Variants in NSD2 observed in about 807,000 individuals in gnomAD.
NSD2 encodes histone-lysine N-methyltransferase NSD2.
Under a neutral mutation model 139.0 loss-of-function variants are expected in NSD2, and 12 were observed. That is an observed-to-expected ratio of 0.09 (90% CI 0.06 to 0.14). The LOEUF (loss-of-function observed/expected upper bound fraction) is 0.14, where lower values mean the gene tolerates loss of function less well. Among genes scored for constraint, NSD2 ranks in the 10% least tolerant of loss-of-function variants. The probability of loss-of-function intolerance (pLI) is 1.00; values close to 1 mark genes in which losing one functional copy is unlikely to be tolerated. For synonymous variants in NSD2, 669 were observed against 648.7 expected (o/e 1.03, Z -0.48); for missense variants, 1,155 against 1,745.0 (o/e 0.66, Z 6.02).
At chr4:1,894,639 T>C (rs1326111957) in intron 1 of NSD2, among the ~76,000 whole-genome samples, 1 of 151,564 alleles carries the variant, frequency 6.6e-6, no homozygotes, top group African/African-American at 2.4e-5. Flanking sequence ...ACCATTGCAT[T>C]TTAGCCTGGG....
chr4:1,916,207 T>A (rs1225047488), intron 3 of NSD2, among the ~76,000 whole-genome samples: 1 of 152,206 alleles, frequency 6.6e-6, no homozygotes, highest in Non-Finnish European at 1.5e-5. Context: ...GGTTGTGTGA[T>A]GTCCGTATAC....
At chr4:1,894,384 C>G (rs1715960891) in intron 1 of NSD2, among the ~76,000 whole-genome samples, 1 of 152,154 alleles carries the variant, frequency 6.6e-6, no homozygotes, top group Non-Finnish European at 1.5e-5. Context: ...CCTTTCATCT[C>G]TGGAAAATGT....
At chr4:1,895,222 G>C (rs1020405047) in intron 1 of NSD2, among the ~76,000 whole-genome samples, 1 of 152,102 alleles carries the variant, frequency 6.6e-6, no homozygotes, top group African/African-American at 2.4e-5. Context: ...CTGTAATAGT[G>C]CTCCTGTGAA....
In NSD2 at chr4:1,961,015, C is replaced by T. The variant is rs780842954; in HGVS notation, c.3256-20C>T. 5.0e-6 allele frequency: 8 copies of T among 1,604,026 alleles called. No homozygotes were observed. The highest frequency in any genetic ancestry group is 6.0e-6 in the Non-Finnish European group (7 of 1,171,604). On this transcript the variant is annotated intron_variant, in intron 17 of 21. Transcript: ENST00000508803. Reference sequence around the variant, plus strand: ...TGGTCAGCACGCTTTTTGTCATGGCCACATGCTTGTGATTTCCAGGGAGAA... The same window carrying T: ...TGGTCAGCACGCTTTTTGTCATGGCTACATGCTTGTGATTTCCAGGGAGAA...
chr4:1,958,133 A>C lies in NSD2; in HGVS notation c.2985+97A>C. 4 of 1,234,726 alleles carry C rather than the reference A, an allele frequency of 3.2e-6. No homozygotes were observed. The highest frequency in any genetic ancestry group is 3.5e-6 in the Non-Finnish European group (3 of 866,194). The allele number at this position is 1,234,726 out of a possible 1,614,324, so 76.5% of individuals were successfully genotyped here. The stretch of plus-strand genomic sequence containing the variant: ...CACCCAGGCTATGGCTGGGGAGAGG[A>C]CTGTCACCAGCCAGGATCTGTGGTG... On this transcript the variant is annotated intron_variant, in intron 16 of 21. Coordinates refer to ENST00000508803, the MANE Select transcript of NSD2 (RefSeq NM_001042424.3). This position sits in a 1 kb window ranked among gnomAD's most constrained non-coding sequence, Gnocchi z 4.6.
At chr4:1,961,241 G>A (rs1725336002) in intron 18 of NSD2, 90 bp downstream of exon 18, 3 of 1,039,466 alleles carry the variant, frequency 2.9e-6, no homozygotes, top group African/African-American at 1.6e-5. Context: ...CCCTGTGGCA[G>A]CGCCAGCATT....
chr4:1,953,856 G>T (rs1724539947), intron 12 of NSD2, among the ~76,000 whole-genome samples: 1 of 150,654 alleles, frequency 6.6e-6, no homozygotes, highest in Non-Finnish European at 1.5e-5. Flanking sequence ...GTGCAGTGCA[G>T]TCACAGCTCA....
At chr4:1,936,208 G>A (rs990696141) in intron 7 of NSD2, among the ~76,000 whole-genome samples, 6 of 152,160 alleles carry the variant, frequency 3.9e-5, no homozygotes, top group Non-Finnish European at 8.8e-5. Flanking sequence ...AGGAAACACC[G>A]GGTTATTCTG....
chr4:1,961,529 T>C (rs1725368393), intron 18 of NSD2, among the ~76,000 whole-genome samples: 1 of 152,274 alleles, frequency 6.6e-6, no homozygotes, highest in African/African-American at 2.4e-5. Context: ...GGGTAAGGTC[T>C]CAGCATCTTC....
chr4:1,953,508 C>T lies in NSD2; in HGVS notation c.2322C>T (p.Asn774=), dbSNP rs1724492502. 2 of 1,611,508 alleles carry T rather than the reference C, an allele frequency of 1.2e-6. No individual in the cohort carries two copies. Among genetic ancestry groups the T allele is most frequent in the Non-Finnish European group, 8.5e-7 (1 of 1,178,928 alleles). Residue 774 remains asparagine (N), a synonymous_variant, in exon 12 of 22, where the codon AAC becomes AAT. Transcript: ENST00000508803. Reference sequence around the variant, plus strand: ...GCTGCCATGCTTCCAACCCTTCAAACCCAAGGCCGTCAAAAGGTACAGGTG... The same window carrying T: ...GCTGCCATGCTTCCAACCCTTCAAATCCAAGGCCGTCAAAAGGTACAGGTG... The part of the protein sequence containing the change: ...CVSCHASNPS[N]PRPSKGKMMR...
At chr4:1,957,685 A>G (rs1340216960) in intron 15 of NSD2, among the ~76,000 whole-genome samples, 1 of 152,118 alleles carries the variant, frequency 6.6e-6, no homozygotes, top group Non-Finnish European at 1.5e-5. Flanking sequence ...GGAGCTCCCG[A>G]CAGAACTCTG....
intron 16 of NSD2, 139 bp from the exon 17 acceptor site, chr4:1,959,332 A>C: frequency 1.1e-6 from 1 of 898,556 alleles, no homozygotes; most frequent in South Asian, 1.7e-5. Flanking sequence ...GGCTGTTCTG[A>C]GTAGTGTGTC....
At chr4:1,947,926 T>C in intron 9 of NSD2, 1 of 1,056,754 alleles carries the variant, frequency 9.5e-7, no homozygotes, top group Non-Finnish European at 1.1e-6. Context: ...AGGTGGCATC[T>C]GACTGCGGCT....
chr4:1,946,137 A>G (rs1434579675), intron 9 of NSD2: 3 of 1,027,868 alleles, frequency 2.9e-6, no homozygotes, highest in African/African-American at 3.4e-5. Flanking sequence ...TGATAAAGCT[A>G]AATTATAGTC....
chr4:1,969,720 A>G (rs1356245074), intron 18 of NSD2, among the ~76,000 whole-genome samples: 1 of 152,202 alleles, frequency 6.6e-6, no homozygotes, highest in East Asian at 1.9e-4. Context: ...AAACAAAAAC[A>G]AAATCCTGAC....
chr4:1,938,417 T>TTTTTTTTTTTTTTTTTTTC, intron 7 of NSD2, 34 bp from the exon 8 acceptor site: 1 of 190,424 alleles, frequency 5.3e-6, no homozygotes, highest in Non-Finnish European at 9.0e-6. Context: ...TTTTTCTTTC[T>TTTTTTTTTTTTTTTTTTTC]TTTTTTTTTT....
rs958581932 is a variant in NSD2 at position 1,979,841 on chromosome 4, T to C, written c.*932T>C. ...TTTACTGATGCGGCCCTGAGCTCCATGGCGAAAGGAGTGACTTTGCAGGGC... is the reference window on the plus strand; with the variant it reads ...TTTACTGATGCGGCCCTGAGCTCCACGGCGAAAGGAGTGACTTTGCAGGGC... On this transcript the variant is annotated 3_prime_UTR_variant, in exon 22 of 22. Transcript: ENST00000508803. The C allele has an allele frequency of 4.7e-5, 11 of 232,464 alleles. No homozygotes were observed. The highest frequency in any genetic ancestry group is 6.0e-5 in the Non-Finnish European group (7 of 117,612). 14.4% of individuals were successfully genotyped at this position (232,464 alleles called of 1,614,324 possible).
At chr4:1,924,395 T>C (rs1165241386) in intron 5 of NSD2, among the ~76,000 whole-genome samples, 2 of 152,046 alleles carry the variant, frequency 1.3e-5, no homozygotes, top group Non-Finnish European at 2.9e-5. Context: ...CTCTGGTATG[T>C]TGCTCGGCTG....
chr4:1,944,291 G>A (rs1560723438), intron 9 of NSD2: 1 of 1,066,312 alleles, frequency 9.4e-7, no homozygotes, highest in Non-Finnish European at 1.1e-6. Flanking sequence ...AACGGCTCTT[G>A]TTTGAAAGAA....
Sources: allele counts gnomAD v4.1 joint callset (sites outside exome capture counted in the v4.1 genomes callset), GRCh38; gene constraint gnomAD v4.1.1; non-coding constraint Gnocchi (gnomAD v3.1); transcripts MANE v1.5; gene names NCBI Gene and HGNC (gene_info 2026-07-23, HGNC 2026-07-21).